The following MTUS2 variants were observed in gnomAD, a reference collection of about 807,000 sequenced individuals.
MTUS2 encodes the protein microtubule associated scaffold protein 2.
MTUS2 carries 40 observed loss-of-function variants against 114.1 expected under a neutral mutation model. That is an observed-to-expected ratio of 0.35 (90% CI 0.27 to 0.46). The LOEUF (loss-of-function observed/expected upper bound fraction) is 0.46. Among genes scored for constraint, MTUS2 ranks in the 20% least tolerant of loss-of-function variants. The probability of loss-of-function intolerance (pLI) is 1.00; values close to 1 mark genes in which losing one functional copy is unlikely to be tolerated. For synonymous variants in MTUS2, 688 were observed against 672.0 expected, an observed-to-expected ratio of 1.02 and a Z score of -0.37; for missense variants, 1,679 against 1,705.4, an observed-to-expected ratio of 0.98 and a Z score of 0.27.
chr13:29,414,885 T>C (rs1299053462), intron 8 of MTUS2, among the ~76,000 whole-genome samples: 1 of 151,954 alleles, frequency 6.6e-6, no homozygotes, highest in East Asian at 1.9e-4. Flanking sequence ...ATTTAAGTCA[T>C]TTATTTACTT....
chr13:29,286,412 G>A (rs1308912294), intron 6 of MTUS2, among the ~76,000 whole-genome samples: 1 of 152,166 alleles, frequency 6.6e-6, no homozygotes, highest in African/African-American at 2.4e-5. Context: ...GTTGAAGCTG[G>A]GTAATGGAAT....
intron 2 of MTUS2, among the ~76,000 whole-genome samples, chr13:28,945,403 C>T (rs1882473671): frequency 6.6e-6 from 1 of 152,108 alleles, no homozygotes; most frequent in African/African-American, 2.4e-5. Flanking sequence ...TGAGAAATCT[C>T]CATACTGTTT....
intron 9 of MTUS2, among the ~76,000 whole-genome samples, chr13:29,471,554 G>T (rs191999220): frequency 0.017 from 2,550 of 152,188 alleles, 65 homozygotes; most frequent in African/African-American, 0.057. Flanking sequence ...CTTGCCCACT[G>T]CTGCGGGAGA....
At chr13:29,158,040 G>C (rs1415290225) in intron 5 of MTUS2, among the ~76,000 whole-genome samples, 2 of 152,156 alleles carry the variant, frequency 1.3e-5, no homozygotes, top group Non-Finnish European at 2.9e-5. Context: ...TCTGGCATGA[G>C]TGCCTTCTTG....
chr13:28,826,799 T>C (rs1874298884), intron 1 of MTUS2, among the ~76,000 whole-genome samples: 1 of 152,228 alleles, frequency 6.6e-6, no homozygotes, highest in Non-Finnish European at 1.5e-5. Context: ...AGCCTTGGAT[T>C]ACAATAAATG....
intron 14 of MTUS2, among the ~76,000 whole-genome samples, chr13:29,500,184 C>G (rs768764916): frequency 1.3e-5 from 2 of 152,128 alleles, no homozygotes; most frequent in Non-Finnish European, 2.9e-5. Context: ...AGAAACCTTT[C>G]CAGGCAAAAA....
At chr13:29,157,902 A>C (rs1892931291) in intron 5 of MTUS2, among the ~76,000 whole-genome samples, 1 of 152,240 alleles carries the variant, frequency 6.6e-6, no homozygotes, top group African/African-American at 2.4e-5. Flanking sequence ...GCATAGTGTC[A>C]GTCAAGAGTA....
At chr13:29,410,793 A>T (rs1875170389) in intron 8 of MTUS2, among the ~76,000 whole-genome samples, 2 of 148,196 alleles carry the variant, frequency 1.3e-5, no homozygotes, top group Non-Finnish European at 3.0e-5. Context: ...ATAGTTATAA[A>T]GTCATTCCCA....
At chr13:29,400,045 A>G (rs982846790) in intron 8 of MTUS2, among the ~76,000 whole-genome samples, 4 of 152,214 alleles carry the variant, frequency 2.6e-5, no homozygotes, top group Non-Finnish European at 2.9e-5. Flanking sequence ...CTGTGAATGA[A>G]TGCCTTACCA....
intron 6 of MTUS2, among the ~76,000 whole-genome samples, chr13:29,295,156 A>G (rs1176060739): frequency 6.6e-6 from 1 of 151,810 alleles, no homozygotes; most frequent in Non-Finnish European, 1.5e-5. Context: ...TTTAATTCAC[A>G]CAATTGTATG....
At chr13:29,210,689 G>C (rs1358069289) in intron 5 of MTUS2, among the ~76,000 whole-genome samples, 2 of 152,098 alleles carry the variant, frequency 1.3e-5, no homozygotes, top group Non-Finnish European at 2.9e-5. Flanking sequence ...AATTATTGTT[G>C]TATTTTTTCT....
intron 6 of MTUS2, among the ~76,000 whole-genome samples, chr13:29,313,550 T>C (rs1899861837): frequency 6.6e-6 from 1 of 152,152 alleles, no homozygotes; most frequent in Admixed American, 6.5e-5. Flanking sequence ...TATAATAAGA[T>C]ATATGTCTAC....
chr13:29,399,696 T>A (rs920008103), intron 8 of MTUS2, among the ~76,000 whole-genome samples: 15 of 152,066 alleles, frequency 9.9e-5, no homozygotes, highest in African/African-American at 3.6e-4. Flanking sequence ...TGGGCCAACG[T>A]ATGAAAGTTC....
At chr13:29,139,590 C>CA (rs1245964087) in intron 5 of MTUS2, among the ~76,000 whole-genome samples, 1 of 151,972 alleles carries the variant, frequency 6.6e-6, no homozygotes, top group African/African-American at 2.4e-5. Context: ...CAATTTGAGA[C>CA]AAAGAATTTT....
At chr13:29,340,678 G>A (rs1901348092) in intron 7 of MTUS2, among the ~76,000 whole-genome samples, 1 of 151,964 alleles carries the variant, frequency 6.6e-6, no homozygotes, top group Admixed American at 6.5e-5. Flanking sequence ...TAGTTTTTGG[G>A]GGAAAGGTGA....
At chr13:29,303,809 G>T (rs1371635071) in intron 6 of MTUS2, among the ~76,000 whole-genome samples, 2 of 152,072 alleles carry the variant, frequency 1.3e-5, no homozygotes, top group African/African-American at 4.8e-5. Context: ...TACTCCATGA[G>T]AAGATCAACC....
intron 5 of MTUS2, among the ~76,000 whole-genome samples, chr13:29,251,636 A>G (rs1298029979): frequency 6.6e-6 from 1 of 152,122 alleles, no homozygotes; most frequent in Admixed American, 6.5e-5. Flanking sequence ...ATGAACTGCT[A>G]TTCTACTTTT....
At chr13:29,175,337 C>T (rs1893726325) in intron 5 of MTUS2, among the ~76,000 whole-genome samples, 1 of 152,180 alleles carries the variant, frequency 6.6e-6, no homozygotes, top group Admixed American at 6.5e-5. Context: ...ATTCTATTTA[C>T]TCCCAGGGGA....
intron 9 of MTUS2, among the ~76,000 whole-genome samples, chr13:29,449,917 C>T (rs1225728678): frequency 1.3e-5 from 2 of 152,196 alleles, no homozygotes; most frequent in Non-Finnish European, 2.9e-5. Flanking sequence ...TTCTCTCTTA[C>T]ATAAGAGTCA....
Sources: allele counts gnomAD v4.1 joint callset (sites outside exome capture counted in the v4.1 genomes callset), GRCh38; gene constraint gnomAD v4.1.1; transcripts MANE v1.5; gene names NCBI Gene and HGNC (gene_info 2026-07-23, HGNC 2026-07-21).